Variants in EMCN observed in about 807,000 individuals in gnomAD.
EMCN encodes the protein MUC-14.
In EMCN, 37 loss-of-function variants were observed where a neutral mutation model predicts 38.4. The ratio of observed to expected loss-of-function variants is 0.96; its 90% confidence interval spans 0.74 to 1.27. EMCN has a LOEUF of 1.27. Ranked by LOEUF, EMCN falls within the 50% of genes most tolerant of loss-of-function variation. The pLI, the probability that EMCN is intolerant of heterozygous loss-of-function variation, is 0.00. For synonymous variants in EMCN, 95 were observed against 100.8 expected, an observed-to-expected ratio of 0.94 and a Z score of 0.35; for missense variants, 318 against 302.8, an observed-to-expected ratio of 1.05 and a Z score of -0.37.
rs915950609 is a variant in EMCN, at chr4:100,397,315, A to C, written c.*1098T>G. 2 of 152,180 alleles carry C rather than the reference A, an allele frequency of 1.3e-5. No individual in the cohort carries two copies. Among genetic ancestry groups the C allele is most frequent in the African/African-American group, 4.8e-5 (2 of 41,460 alleles). 9.4% of individuals were successfully genotyped at this position (152,180 alleles called of 1,614,324 possible). A position where few individuals can be genotyped will look rare whatever the true frequency, so the allele number is the denominator to read the frequency against. ...GATCTCACATGTCAAAAAAGTGGTC[A>C]AGGTTGATCAGTTAGCTTTTAACAG... On this transcript the variant is annotated 3_prime_UTR_variant, in exon 12 of 12. Transcript: ENST00000296420.
intron 8 of EMCN, 55 bp downstream of exon 8, chr4:100,421,227 T>G: frequency 7.1e-7 from 1 of 1,414,780 alleles, no homozygotes; most frequent in Non-Finnish European, 1.0e-6. Context: ...AAATCAAGTT[T>G]AAACTGAGCA....
intron 4 of EMCN, among the ~76,000 whole-genome samples, chr4:100,453,691 T>G (rs1727915726): frequency 6.6e-6 from 1 of 152,126 alleles, no homozygotes; most frequent in Admixed American, 6.5e-5. Flanking sequence ...CAAAGGATTA[T>G]AAATCATGCT....
rs187705892 is a variant in EMCN at position 100,454,144 on chromosome 4, G to A, written c.377-6573C>T. Among the ~76,000 whole-genome samples the A allele has an allele frequency of 2.0e-5, 3 of 149,740 alleles. No individual in the cohort carries two copies. In the East Asian group the frequency reaches 5.9e-4, roughly 30 times the overall value. Reference sequence around the variant, plus strand: ...GATATGTAAGAAACCTGCAAGTTGTGCACATGTACCCTAAAACTTAAAGTA... The same window carrying A: ...GATATGTAAGAAACCTGCAAGTTGTACACATGTACCCTAAAACTTAAAGTA... On this transcript the variant is annotated intron_variant, in intron 4 of 11. Coordinates refer to ENST00000296420, the MANE Select transcript of EMCN (RefSeq NM_016242.4).
chr4:100,457,305 CTTT>C (rs1031559022), intron 4 of EMCN, among the ~76,000 whole-genome samples: 4 of 151,690 alleles, frequency 2.6e-5, no homozygotes, highest in African/African-American at 9.7e-5. Context: ...CTTTTAATTT[CTTT>C]TTCTTTCCTG....
chr4:100,445,952 G>T, intron 5 of EMCN: 2 of 599,218 alleles, frequency 3.3e-6, no homozygotes, highest in Non-Finnish European at 4.2e-6. Flanking sequence ...TACATAACTC[G>T]AAAAATAAAA....
intron 5 of EMCN, among the ~76,000 whole-genome samples, chr4:100,428,852 A>G (rs1056906775): frequency 4.6e-5 from 7 of 152,306 alleles, no homozygotes; most frequent in Non-Finnish European, 8.8e-5. Context: ...TGTTGCGTTT[A>G]CGGAGCTCAC....
At chr4:100,402,252 T>G (rs3775350) in intron 11 of EMCN, among the ~76,000 whole-genome samples, 50,844 of 151,984 alleles carry the variant, frequency 0.33, 12,502 homozygotes, top group East Asian at 0.77. Context: ...TACTGTGCAC[T>G]AAATAGATGA....
At chr4:100,474,282 A>T (rs1327331118) in intron 3 of EMCN, among the ~76,000 whole-genome samples, 5 of 152,226 alleles carry the variant, frequency 3.3e-5, no homozygotes, top group Non-Finnish European at 7.3e-5. Context: ...ATCATTAATC[A>T]TTAGAGAAAT....
chr4:100,441,354 G>A (rs540568031), intron 5 of EMCN, among the ~76,000 whole-genome samples: 1 of 152,124 alleles, frequency 6.6e-6, no homozygotes, highest in African/African-American at 2.4e-5. Flanking sequence ...TTATTTGCAT[G>A]GAATATCTTC....
intron 5 of EMCN, among the ~76,000 whole-genome samples, chr4:100,423,748 T>C (rs75355888): frequency 1.1e-3 from 170 of 152,296 alleles, no homozygotes; most frequent in African/African-American, 3.6e-3. Flanking sequence ...AAATTTCAGA[T>C]ATTATAACTT....
chr4:100,425,507 C>A (rs533189434), intron 5 of EMCN, among the ~76,000 whole-genome samples: 1 of 152,166 alleles, frequency 6.6e-6, no homozygotes, highest in South Asian at 2.1e-4. Flanking sequence ...CTAGCACTTA[C>A]CCCTGTGGAA....
At chr4:100,492,235 A>G (rs1729100987) in intron 1 of EMCN, among the ~76,000 whole-genome samples, 2 of 152,174 alleles carry the variant, frequency 1.3e-5, no homozygotes, top group Non-Finnish European at 2.9e-5. Context: ...TAGAAAACCA[A>G]ATAGAAATCC....
At chr4:100,434,718 A>G (rs902821730) in intron 5 of EMCN, among the ~76,000 whole-genome samples, 5 of 152,236 alleles carry the variant, frequency 3.3e-5, no homozygotes, top group Admixed American at 3.3e-4. Context: ...AGGTTGGTTC[A>G]ACATAAGCAA....
At position 100,475,101 on chromosome 4, in the gene EMCN, T is replaced by G; in HGVS notation, c.196A>C (p.Thr66Pro). ...AGAGACATTTTAAGTAATTCATTGG[T>G]GATTGTTCCTAGTTTGATAAAATAG... ...TTGTTPKGTI[T>P]NELLKMSLMS... Residue 66 changes from threonine to proline, a missense_variant, in exon 3 of 12, where the codon ACC (threonine) becomes CCC (proline). By Grantham distance (38) the Thr-to-Pro change is conservative. Coordinates refer to ENST00000296420, the MANE Select transcript of EMCN (RefSeq NM_016242.4). 1 of 1,503,464 alleles carries G rather than the reference T, an allele frequency of 6.7e-7. No homozygotes were observed. The highest frequency in any genetic ancestry group is 9.1e-7 in the Non-Finnish European group (1 of 1,102,202). 93.1% of individuals were successfully genotyped at this position (1,503,464 alleles called of 1,614,324 possible).
At chr4:100,477,022 A>T (rs1201762221) in intron 2 of EMCN, among the ~76,000 whole-genome samples, 1 of 152,170 alleles carries the variant, frequency 6.6e-6, no homozygotes, top group East Asian at 1.9e-4. Context: ...TACATAGAGG[A>T]TGTACAATGG....
chr4:100,515,358 G>A (rs1405259818), intron 1 of EMCN, among the ~76,000 whole-genome samples: 1 of 152,016 alleles, frequency 6.6e-6, no homozygotes, highest in African/African-American at 2.4e-5. Flanking sequence ...TGGCAGTTCC[G>A]TTTCAGAAAC....
rs1256284835 is a variant in EMCN at position 100,473,373 on chromosome 4, G to GTTTTT, written c.259+1660_259+1664dup. On this transcript the variant is annotated intron_variant, in intron 3 of 11. Coordinates refer to ENST00000296420, the MANE Select transcript of EMCN (RefSeq NM_016242.4). ...GGCATTTCCCGTTTCGTGTTTTTTT[G>GTTTTT]TTTTTTTTTTTTGTTTTTTTTTTTG... Among the ~76,000 whole-genome samples the GTTTTT allele has an allele frequency of 3.3e-3, 218 of 65,980 alleles. 20 individuals carry two copies. The highest frequency in any genetic ancestry group is 4.2e-3 in the Non-Finnish European group (140 of 33,504). 43.3% of individuals were successfully genotyped at this position (65,980 alleles called of 152,430 possible).
chr4:100,456,440 T>C (rs1401545861), intron 4 of EMCN, among the ~76,000 whole-genome samples: 3 of 152,200 alleles, frequency 2.0e-5, no homozygotes, highest in Non-Finnish European at 2.9e-5. Flanking sequence ...CCATTCTTTT[T>C]CCTGCCTGAT....
chr4:100,419,579 G>A (rs1216951600), intron 8 of EMCN, among the ~76,000 whole-genome samples: 1 of 152,012 alleles, frequency 6.6e-6, no homozygotes, highest in African/African-American at 2.4e-5. Flanking sequence ...TTTTAGTATA[G>A]CATATTTTTA....
Sources: gnomAD v4.1 joint callset for allele counts (sites outside exome capture counted in the v4.1 genomes callset) on GRCh38, gnomAD v4.1.1 for gene constraint, MANE v1.5 for transcripts, NCBI Gene and HGNC (gene_info 2026-07-23, HGNC 2026-07-21) for gene names.